Variants in CMIP observed in about 807,000 individuals in gnomAD.
CMIP encodes c-Maf inducing protein, also known as C-Maf-inducing protein.
A neutral mutation model predicts 97.3 loss-of-function variants in CMIP; 13 were observed. The observed-to-expected ratio is 0.13, with a 90% CI of 0.09 to 0.21. The LOEUF is 0.21. CMIP is among the 10% of genes least tolerant of loss of function. CMIP has a pLI of 1.00. For missense variants in CMIP, 847 were observed against 1,024.9 expected (o/e 0.83, Z 2.37); for synonymous variants, 538 against 436.3 (o/e 1.23, Z -2.91).
At chr16:81,702,956 TTG>T (rs775631915) in intron 17 of CMIP, among the ~76,000 whole-genome samples, 2 of 152,166 alleles carry the variant, frequency 1.3e-5, no homozygotes, top group African/African-American at 4.8e-5. Context: ...CCTTGAGCAT[TTG>T]TGTGTCAGAT....
At chr16:81,470,768 T>C (rs1907475619) in intron 1 of CMIP, among the ~76,000 whole-genome samples, 1 of 152,222 alleles carries the variant, frequency 6.6e-6, no homozygotes, top group South Asian at 2.1e-4. Flanking sequence ...AAAATTGGGA[T>C]TTTGTAAGTA....
intron 1 of CMIP, among the ~76,000 whole-genome samples, chr16:81,537,611 A>G (rs970628770): frequency 1.3e-5 from 2 of 150,432 alleles, no homozygotes; most frequent in African/African-American, 2.4e-5. Flanking sequence ...CACTCCTGTA[A>G]CCCCAGCACT....
At chr16:81,598,555 A>G (rs888221903) in intron 1 of CMIP, among the ~76,000 whole-genome samples, 1 of 152,196 alleles carries the variant, frequency 6.6e-6, no homozygotes. Context: ...ATCAAATAAA[A>G]CACAAGAGGG....
chr16:81,615,906 G>A (rs1238114876), intron 2 of CMIP, among the ~76,000 whole-genome samples: 1 of 152,108 alleles, frequency 6.6e-6, no homozygotes, highest in Non-Finnish European at 1.5e-5. Flanking sequence ...CATTGTTACC[G>A]TGGACAAACA....
At chr16:81,549,364 T>C (rs1293381779) in intron 1 of CMIP, among the ~76,000 whole-genome samples, 1 of 152,232 alleles carries the variant, frequency 6.6e-6, no homozygotes, top group Non-Finnish European at 1.5e-5. Flanking sequence ...GTTTCACATC[T>C]GCTGTTTCTT....
intron 6 of CMIP, among the ~76,000 whole-genome samples, chr16:81,662,332 G>A (rs188223298): frequency 6.6e-6 from 1 of 152,278 alleles, no homozygotes; most frequent in Admixed American, 6.5e-5. Flanking sequence ...TCCTACCTGA[G>A]GCTTCACTTG....
intron 1 of CMIP, among the ~76,000 whole-genome samples, chr16:81,576,731 G>T (rs796929425): frequency 2.3e-4 from 35 of 152,252 alleles, no homozygotes; most frequent in African/African-American, 8.2e-4. Flanking sequence ...AGAACACAGG[G>T]TCTAGAGTTA....
intron 2 of CMIP, among the ~76,000 whole-genome samples, chr16:81,609,323 C>T (rs1414299100): frequency 1.3e-5 from 2 of 152,202 alleles, no homozygotes; most frequent in Non-Finnish European, 2.9e-5. Flanking sequence ...TCTTGCCCAT[C>T]CGATGGCTGC....
At chr16:81,496,656 C>T (rs936574901) in intron 1 of CMIP, among the ~76,000 whole-genome samples, 1 of 152,230 alleles carries the variant, frequency 6.6e-6, no homozygotes, top group African/African-American at 2.4e-5. Flanking sequence ...TTTGGTATCA[C>T]AGCTGTCTCC....
At chr16:81,544,880 T>C (rs2090516323) in intron 1 of CMIP, among the ~76,000 whole-genome samples, 1 of 152,166 alleles carries the variant, frequency 6.6e-6, no homozygotes, top group African/African-American at 2.4e-5. Flanking sequence ...AGTAACTTTA[T>C]GAGTGGTACT....
chr16:81,490,461 A>T (rs1293617443), intron 1 of CMIP, among the ~76,000 whole-genome samples: 1 of 152,208 alleles, frequency 6.6e-6, no homozygotes, highest in African/African-American at 2.4e-5. Flanking sequence ...CTCCACTAAA[A>T]ATACAAAAAT....
Position 81,670,100 on chromosome 16 carries a change from G to A in CMIP, c.826-42G>A, listed in dbSNP as rs747630905. The stretch of plus-strand genomic sequence containing the variant: ...CCTGGCTGCCCTGGGCTCCTGCCCT[G>A]CCTAGCACCGTCCCGACTCCTGTCC... On this transcript the variant is annotated intron_variant, in intron 7 of 20. Coordinates refer to ENST00000537098, the MANE Select transcript of CMIP (RefSeq NM_198390.3). 7 of 1,569,934 alleles carry A rather than the reference G, an allele frequency of 4.5e-6. No homozygotes were observed. In the Admixed American group the frequency reaches 9.3e-5, roughly 21 times the overall value.
intron 1 of CMIP, among the ~76,000 whole-genome samples, chr16:81,446,470 G>A (rs1031131150): frequency 2.6e-5 from 4 of 152,158 alleles, no homozygotes; most frequent in Admixed American, 6.5e-5. Flanking sequence ...TGAACAGGAT[G>A]CTTTGTGTTT....
chr16:81,488,223 G>A (rs570763789), intron 1 of CMIP, among the ~76,000 whole-genome samples: 2 of 152,072 alleles, frequency 1.3e-5, no homozygotes, highest in African/African-American at 4.8e-5. Flanking sequence ...GAGAGAGTGC[G>A]ACCGTAGGGG....
At chr16:81,645,578 G>A (rs2092355205) in intron 3 of CMIP, 2 of 1,535,988 alleles carry the variant, frequency 1.3e-6, no homozygotes, top group African/African-American at 1.4e-5. Context: ...AGTTGCCAGA[G>A]CGATGGCAAG....
chr16:81,573,194 G>A (rs528196269), intron 1 of CMIP, among the ~76,000 whole-genome samples: 1 of 152,108 alleles, frequency 6.6e-6, no homozygotes, highest in Non-Finnish European at 1.5e-5. Flanking sequence ...AAATACAAAC[G>A]TTAGCCGGGC....
At chr16:81,595,034 G>A (rs2091530415) in intron 1 of CMIP, among the ~76,000 whole-genome samples, 1 of 145,716 alleles carries the variant, frequency 6.9e-6, no homozygotes, top group Non-Finnish European at 1.5e-5. Flanking sequence ...ATATCATGTG[G>A]TCTCTCTCTC....
chr16:81,611,305 C>G (rs1013469538), intron 2 of CMIP: 1 of 152,258 alleles, frequency 6.6e-6, no homozygotes, highest in African/African-American at 2.4e-5. Flanking sequence ...CTGAGCCCCT[C>G]CTGGGGCGAA....
intron 1 of CMIP, among the ~76,000 whole-genome samples, chr16:81,574,778 G>A (rs1226048011): frequency 2.0e-5 from 3 of 152,190 alleles, no homozygotes; most frequent in Admixed American, 2.0e-4. Flanking sequence ...TCACAGGCCA[G>A]TAGGGGAAAC....
Sources: gnomAD v4.1 joint callset for allele counts (sites outside exome capture counted in the v4.1 genomes callset) on GRCh38, gnomAD v4.1.1 for gene constraint, MANE v1.5 for transcripts, NCBI Gene and HGNC (gene_info 2026-07-23, HGNC 2026-07-21) for gene names.